ACAP2: variants seen among roughly 807,000 people sequenced by gnomAD.
The protein encoded by ACAP2 is arf-GAP with coiled-coil, ANK repeat and PH domain-containing protein 2.
Under a neutral mutation model 115.8 loss-of-function variants are expected in ACAP2, and 39 were observed. The observed-to-expected ratio is 0.34, with a 90% CI of 0.26 to 0.44. The LOEUF (loss-of-function observed/expected upper bound fraction) is 0.44, where lower values mean the gene tolerates loss of function less well. Among genes scored for constraint, ACAP2 ranks in the 20% least tolerant of loss-of-function variants. The probability of loss-of-function intolerance (pLI) is 1.00; values close to 1 mark genes in which losing one functional copy is unlikely to be tolerated. For missense variants in ACAP2, 662 were observed against 927.6 expected, an observed-to-expected ratio of 0.71 and a Z score of 3.72; for synonymous variants, 289 against 315.8, an observed-to-expected ratio of 0.92 and a Z score of 0.90.
At chr3:195,349,185 TA>T (rs201192868) in intron 4 of ACAP2, among the ~76,000 whole-genome samples, 23 of 148,376 alleles carry the variant, frequency 1.6e-4, no homozygotes, top group Admixed American at 7.4e-4. Flanking sequence ...AACTGAACAT[TA>T]AAAAAAAAAT....
At chr3:195,295,419 T>C (rs1727578218) in intron 17 of ACAP2, 1 of 566,980 alleles carries the variant, frequency 1.8e-6, no homozygotes, top group African/African-American at 1.9e-5. Flanking sequence ...AGGTAGTTAA[T>C]CAGATACTTA....
chr3:195,434,811 C>T (rs754439531), intron 1 of ACAP2, among the ~76,000 whole-genome samples: 10 of 152,068 alleles, frequency 6.6e-5, no homozygotes, highest in Admixed American at 1.3e-4. Flanking sequence ...CTTCTTGAGT[C>T]GGTTTCAGTA....
Position 195,347,964 on chromosome 3 carries a change from A to G in ACAP2, c.286-2647T>C, listed in dbSNP as rs1731292209. ...GAGTTCAAGGTTGCAGTGAGCTGTG[A>G]TCACGCCACTGCACTGCACTCTAGC... On this transcript the variant is annotated intron_variant, in intron 4 of 22. Transcript: ENST00000326793. 2.6e-5 allele frequency among the ~76,000 whole-genome samples: 4 copies of G among 152,108 alleles called. No homozygotes were observed. In the South Asian group the frequency reaches 6.2e-4, roughly 24 times the overall value.
rs569051413 is a variant in ACAP2 at position 195,280,333 on chromosome 3, G to A, written c.2237-905C>T. Among the ~76,000 whole-genome samples, 20 of 152,184 alleles carry A rather than the reference G, an allele frequency of 1.3e-4. No individual in the cohort carries two copies. In the South Asian group the frequency reaches 1.5e-3, roughly 11 times the overall value. ...CTAAAAATACAAAAAGTAACCAGGC[G>A]TGGTGGTGGGCACCTGTAATCCCAG... On this transcript the variant is annotated intron_variant, in intron 22 of 22. Coordinates refer to ENST00000326793, the MANE Select transcript of ACAP2 (RefSeq NM_012287.6).
In ACAP2 at chr3:195,442,786, G is replaced by A; in HGVS notation, c.53+9C>T. ...CTCCGCGGTGACGCCGGGCGGCCGTGCCGGTTACCTGAAGCGGGGCGAGTC... is the reference window on the plus strand; with the variant it reads ...CTCCGCGGTGACGCCGGGCGGCCGTACCGGTTACCTGAAGCGGGGCGAGTC... On this transcript the variant is annotated intron_variant, in intron 1 of 22. Coordinates refer to ENST00000326793, the MANE Select transcript of ACAP2 (RefSeq NM_012287.6). The A allele has an allele frequency of 6.5e-7, 1 of 1,528,432 alleles. No homozygotes were observed. Among genetic ancestry groups the A allele is most frequent in the South Asian group, 1.2e-5 (1 of 81,926 alleles). The allele number at this position is 1,528,432 out of a possible 1,614,324, so 94.7% of individuals were successfully genotyped here.
intron 8 of ACAP2, among the ~76,000 whole-genome samples, chr3:195,329,079 CAAAAAAA>C (rs57471736): frequency 1.1e-5 from 1 of 93,848 alleles, no homozygotes; most frequent in Non-Finnish European, 2.2e-5. Flanking sequence ...GACTCCGTCT[CAAAAAAA>C]AAAAAAAAGA....
At chr3:195,333,337 G>C (rs1730300279) in intron 7 of ACAP2, among the ~76,000 whole-genome samples, 1 of 152,168 alleles carries the variant, frequency 6.6e-6, no homozygotes, top group South Asian at 2.1e-4. Flanking sequence ...AAATAGCTGG[G>C]ACCACAGGCA....
chr3:195,378,524 A>C (rs1057352529), intron 4 of ACAP2, among the ~76,000 whole-genome samples: 7 of 150,824 alleles, frequency 4.6e-5, no homozygotes, highest in Non-Finnish European at 1.0e-4. Context: ...ACAAAAAAAA[A>C]CAAAAAAAAT....
intron 1 of ACAP2, among the ~76,000 whole-genome samples, chr3:195,429,013 T>C (rs9831944): frequency 0.17 from 26,452 of 152,098 alleles, 2,536 homozygotes; most frequent in Admixed American, 0.28. Flanking sequence ...GATCAAACAA[T>C]GGAAGCAATC....
chr3:195,336,784 G>C, intron 7 of ACAP2, 148 bp downstream of exon 7: 1 of 687,396 alleles, frequency 1.5e-6, no homozygotes, highest in Non-Finnish European at 2.5e-6. Flanking sequence ...AAGAAGTCCA[G>C]TGCCACATAA....
At chr3:195,293,427 T>C (rs921704729) in intron 18 of ACAP2, among the ~76,000 whole-genome samples, 9 of 152,192 alleles carry the variant, frequency 5.9e-5, no homozygotes, top group Non-Finnish European at 8.8e-5. Context: ...TGCTGATCTC[T>C]TTCTCCTGAT....
intron 4 of ACAP2, among the ~76,000 whole-genome samples, chr3:195,345,731 T>G (rs1345765226): frequency 6.6e-6 from 1 of 152,214 alleles, no homozygotes; most frequent in African/African-American, 2.4e-5. Flanking sequence ...TATACCTTAG[T>G]TGAGGTAGAG....
intron 1 of ACAP2, among the ~76,000 whole-genome samples, chr3:195,423,488 T>C (rs951131346): frequency 6.6e-6 from 1 of 152,032 alleles, no homozygotes; most frequent in African/African-American, 2.4e-5. Context: ...CCGGGTGTGA[T>C]GGCAGGCGCC....
In ACAP2 at chr3:195,274,867, A is replaced by G. The variant is rs1726139572; in HGVS notation, c.*4461T>C. On this transcript the variant is annotated 3_prime_UTR_variant, in exon 23 of 23. Transcript: ENST00000326793. ...GATAATGTACTTTGCTCCATTTACA[A>G]TGACAAACTACTGTAAAACTACATT... 1 of 152,640 alleles carries G rather than the reference A, an allele frequency of 6.6e-6. No individual in the cohort carries two copies. The highest frequency in any genetic ancestry group is 2.1e-4 in the South Asian group (1 of 4,834). 9.5% of individuals were successfully genotyped at this position (152,640 alleles called of 1,614,324 possible). A position where few individuals can be genotyped will look rare whatever the true frequency, so the allele number is the denominator to read the frequency against.
At chr3:195,380,964 A>G (rs988308992) in intron 4 of ACAP2, 45 bp downstream of exon 4, 2 of 1,502,270 alleles carry the variant, frequency 1.3e-6, no homozygotes, top group South Asian at 1.2e-5. Context: ...GAAAAATACT[A>G]AAATGTTAAT....
At chr3:195,299,258 A>G (rs1727859885) in intron 15 of ACAP2, among the ~76,000 whole-genome samples, 1 of 152,126 alleles carries the variant, frequency 6.6e-6, no homozygotes, top group African/African-American at 2.4e-5. Context: ...TACTGATGCT[A>G]AGAAAGGTGG....
At chr3:195,338,885 A>AT (rs1172242186) in intron 6 of ACAP2, among the ~76,000 whole-genome samples, 1 of 151,044 alleles carries the variant, frequency 6.6e-6, no homozygotes, top group African/African-American at 2.5e-5. Context: ...AAAGCACTAA[A>AT]TTAAAAAAAA....
intron 1 of ACAP2, among the ~76,000 whole-genome samples, chr3:195,419,231 C>T (rs543688611): frequency 2.0e-5 from 3 of 152,284 alleles, no homozygotes; most frequent in South Asian, 4.1e-4. Flanking sequence ...AGTCACTTCC[C>T]ATTACCTCTT....
chr3:195,416,269 C>CTCAGG (rs1713717794), intron 1 of ACAP2, among the ~76,000 whole-genome samples: 1 of 151,858 alleles, frequency 6.6e-6, no homozygotes, highest in Non-Finnish European at 1.5e-5. Flanking sequence ...TCGCTTGAAC[C>CTCAGG]CAGGAGGCGG....
Sources: allele counts gnomAD v4.1 joint callset (sites outside exome capture counted in the v4.1 genomes callset), GRCh38; gene constraint gnomAD v4.1.1; transcripts MANE v1.5; gene names NCBI Gene and HGNC (gene_info 2026-07-23, HGNC 2026-07-21).